The following CCNY variants were observed in gnomAD, a reference collection of about 807,000 sequenced individuals.
CCNY encodes the protein cyclin Y.
CCNY carries 19 observed loss-of-function variants against 42.8 expected under a neutral mutation model. The ratio of observed to expected loss-of-function variants is 0.44; its 90% CI spans 0.31 to 0.65. CCNY has a LOEUF of 0.65. Among genes scored for constraint, CCNY ranks in the 30% least tolerant of loss-of-function variants. The probability of loss-of-function intolerance (pLI) is 0.07; values close to 1 mark genes in which losing one functional copy is unlikely to be tolerated. For missense variants in CCNY, 370 were observed against 437.3 expected (o/e 0.85, Z 1.37); for synonymous variants, 165 against 162.7 (o/e 1.01, Z -0.11).
chr10:35,484,936 G>A (rs897177814), intron 2 of CCNY, among the ~76,000 whole-genome samples: 4 of 152,020 alleles, frequency 2.6e-5, no homozygotes, highest in Non-Finnish European at 5.9e-5. Flanking sequence ...CCTAAGTCAG[G>A]GTTGTTCCAG....
chr10:35,534,070 G>A (rs1023113091), intron 7 of CCNY, among the ~76,000 whole-genome samples: 1 of 149,784 alleles, frequency 6.7e-6, no homozygotes, highest in Non-Finnish European at 1.5e-5. Context: ...TGCTCAGGCT[G>A]GAGTACAGTG....
intron 1 of CCNY, among the ~76,000 whole-genome samples, chr10:35,366,664 C>G (rs1836813443): frequency 6.6e-6 from 1 of 152,180 alleles, no homozygotes; most frequent in African/African-American, 2.4e-5. Context: ...TAGTTCTACC[C>G]CATTTTACCC....
chr10:35,517,715 T>C (rs1289693425), intron 4 of CCNY, among the ~76,000 whole-genome samples: 1 of 152,230 alleles, frequency 6.6e-6, no homozygotes, highest in Non-Finnish European at 1.5e-5. Context: ...AGCCTCTTCC[T>C]TACTTCCTCA....
intron 3 of CCNY, among the ~76,000 whole-genome samples, chr10:35,297,227 C>T (rs199726589): frequency 1.5e-4 from 22 of 151,718 alleles, no homozygotes; most frequent in Admixed American, 6.6e-5. Flanking sequence ...AAATGTGATT[C>T]GTCACATAAA....
intron 3 of CCNY, among the ~76,000 whole-genome samples, chr10:35,277,609 A>G (rs1277822083): frequency 6.6e-6 from 1 of 152,168 alleles, no homozygotes; most frequent in Non-Finnish European, 1.5e-5. Context: ...TTTCTTCTCT[A>G]TGAATCCATG....
chr10:35,447,455 T>G (rs950117919), intron 1 of CCNY, among the ~76,000 whole-genome samples: 1 of 152,226 alleles, frequency 6.6e-6, no homozygotes, highest in African/African-American at 2.4e-5. Flanking sequence ...AACACCACTG[T>G]GGTCTTGAGA....
chr10:35,452,306 T>C (rs1838936006), intron 1 of CCNY, among the ~76,000 whole-genome samples: 1 of 152,204 alleles, frequency 6.6e-6, no homozygotes, highest in Non-Finnish European at 1.5e-5. Context: ...CTAAGACTGT[T>C]TGTTGGTCTC....
At chr10:35,544,240 G>A (rs1010994025) in intron 7 of CCNY, among the ~76,000 whole-genome samples, 1 of 152,064 alleles carries the variant, frequency 6.6e-6, no homozygotes, top group Non-Finnish European at 1.5e-5. Context: ...AGTCCTGCAG[G>A]CTCCATTTAC....
chr10:35,473,225 G>T (rs1361562357), intron 1 of CCNY, among the ~76,000 whole-genome samples: 2 of 152,168 alleles, frequency 1.3e-5, no homozygotes, highest in Admixed American at 6.5e-5. Context: ...ACATGTCTCT[G>T]TCCCTCCCGG....
intron 1 of CCNY, among the ~76,000 whole-genome samples, chr10:35,351,800 A>T (rs1836435637): frequency 6.6e-6 from 1 of 152,182 alleles, no homozygotes; most frequent in African/African-American, 2.4e-5. Context: ...AGGGTAGTGT[A>T]TATGTAGGGA....
chr10:35,451,718 G>C (rs976271043), intron 1 of CCNY, among the ~76,000 whole-genome samples: 1 of 152,202 alleles, frequency 6.6e-6, no homozygotes, highest in African/African-American at 2.4e-5. Context: ...TGGGCCACAC[G>C]GGGCTGGGCC....
In CCNY at chr10:35,355,678, CAAAAAAAAAAA is replaced by C. The variant is rs60257114; in HGVS notation, c.154+18489_154+18499del. The stretch of plus-strand genomic sequence containing the variant: ...GGGCAACAGAGCAAGATACTGTCTC[CAAAAAAAAAAA>C]AAAAAAAAAAAAAAAAAGAGGAATG... On this transcript the variant is annotated intron_variant, in intron 1 of 9. Coordinates refer to ENST00000374704, the MANE Select transcript of CCNY (RefSeq NM_145012.6). 3.0e-3 allele frequency among the ~76,000 whole-genome samples: 175 copies of C among 57,434 alleles called. 3 individuals carry two copies. The South Asian group carries it at 0.062, about 20-fold the overall frequency. The allele number at this position is 57,434 out of a possible 152,430, so 37.7% of individuals were successfully genotyped here.
At chr10:35,363,885 A>G (rs753801430) in intron 1 of CCNY, among the ~76,000 whole-genome samples, 49 of 152,224 alleles carry the variant, frequency 3.2e-4, no homozygotes, top group Middle Eastern at 3.2e-3. Context: ...CTGAATGAAC[A>G]TGCTTTTAGT....
chr10:35,542,157 G>A (rs1317220409), intron 7 of CCNY, among the ~76,000 whole-genome samples: 2 of 148,734 alleles, frequency 1.3e-5, no homozygotes, highest in Non-Finnish European at 3.0e-5. Context: ...CCTCTTGGCT[G>A]TGATAGTTTC....
At chr10:35,382,184 G>A (rs139142449) in intron 1 of CCNY, among the ~76,000 whole-genome samples, 7 of 152,314 alleles carry the variant, frequency 4.6e-5, no homozygotes, top group Non-Finnish European at 8.8e-5. Context: ...AACTGGAACC[G>A]TTAGGATAGG....
intron 8 of CCNY, among the ~76,000 whole-genome samples, chr10:35,555,881 T>C (rs990727191): frequency 2.0e-5 from 3 of 152,214 alleles, no homozygotes; most frequent in Admixed American, 6.5e-5. Flanking sequence ...TAAAAAATTA[T>C]ACATTATAAT....
intron 3 of CCNY, among the ~76,000 whole-genome samples, chr10:35,275,056 C>CTTTTTTT (rs34467762): frequency 1.3e-3 from 84 of 64,896 alleles, no homozygotes; most frequent in African/African-American, 1.9e-3. Flanking sequence ...ACCGTCATTC[C>CTTTTTTT]TTTTTTTTTT....
chr10:35,511,974 G>A (rs965199722), intron 3 of CCNY, among the ~76,000 whole-genome samples: 4 of 152,156 alleles, frequency 2.6e-5, no homozygotes, highest in African/African-American at 9.7e-5. Flanking sequence ...AAGAAGAATG[G>A]TTTAGAGAGG....
At chr10:35,390,978 T>C (rs2474536) in intron 1 of CCNY, among the ~76,000 whole-genome samples, 64,824 of 151,984 alleles carry the variant, frequency 0.43, 14,804 homozygotes, top group African/African-American at 0.59. Context: ...ATTCTTAAAG[T>C]GGAAAGAGTA....
Sources: allele counts gnomAD v4.1 joint callset (sites outside exome capture counted in the v4.1 genomes callset), GRCh38; gene constraint gnomAD v4.1.1; transcripts MANE v1.5; gene names NCBI Gene and HGNC (gene_info 2026-07-23, HGNC 2026-07-21).